CTPS2: variants seen among roughly 807,000 people sequenced by gnomAD.
CTPS2 encodes CTP synthase 2, also known as CTP synthase II.
In CTPS2, 19 loss-of-function variants were observed where a neutral mutation model predicts 46.8. The observed-to-expected ratio is 0.41, with a 90% CI of 0.28 to 0.60. The LOEUF (loss-of-function observed/expected upper bound fraction) is 0.60. CTPS2 is among the 20% of genes least tolerant of loss of function. The pLI, the probability that CTPS2 is intolerant of heterozygous loss-of-function variation, is 0.35. For synonymous variants in CTPS2, 151 were observed against 165.2 expected, an observed-to-expected ratio of 0.91 and a Z score of 0.66; for missense variants, 286 against 447.6, an observed-to-expected ratio of 0.64 and a Z score of 3.26.
At chrX:16,636,086 C>CA (rs1321949623) in intron 14 of CTPS2, among the ~76,000 whole-genome samples, 3 of 111,702 alleles carry the variant, frequency 2.7e-5, no homozygotes, top group Non-Finnish European at 5.7e-5. Context: ...GTGGATGTAG[C>CA]AAAAAAACAT....
At chrX:16,701,929 G>A (rs1022946606) in intron 2 of CTPS2, among the ~76,000 whole-genome samples, 1 of 110,862 alleles carries the variant, frequency 9.0e-6, no homozygotes, top group South Asian at 3.8e-4. Context: ...CTTGATCAGG[G>A]GCTGGTTACA....
intron 14 of CTPS2, among the ~76,000 whole-genome samples, chrX:16,625,976 G>A (rs775541603): frequency 9.0e-6 from 1 of 111,652 alleles, no homozygotes; most frequent in Non-Finnish European, 1.9e-5. Context: ...TCTTATTTAG[G>A]GCCACAGGTT....
At chrX:16,708,605 T>G (rs1925197421) in intron 1 of CTPS2, among the ~76,000 whole-genome samples, 2 of 110,980 alleles carry the variant, frequency 1.8e-5, no homozygotes. Flanking sequence ...CTTGACATAT[T>G]TCCAAGTCCT....
intron 13 of CTPS2, among the ~76,000 whole-genome samples, chrX:16,648,083 A>G (rs893369833): frequency 3.6e-5 from 4 of 111,905 alleles, no homozygotes; most frequent in African/African-American, 1.3e-4. Context: ...AACCTGAGTG[A>G]CACAGTGAAG....
At position 16,691,602 on chromosome X, in the gene CTPS2, T is replaced by A; in HGVS notation, c.658A>T (p.Thr220Ser). 8.3e-7 allele frequency: 1 copy of A among 1,210,154 alleles called. No homozygotes were observed. The highest frequency in any genetic ancestry group is 1.1e-6 in the Non-Finnish European group (1 of 894,012). The change falls in exon 7 of 19, where the codon ACG becomes TCG. Residue 220 changes from threonine to serine, a missense_variant. Transcript: ENST00000359276. ...SPDLIVCRSS[T>S]PIEMAVKEKI... Reference sequence around the variant, plus strand: ...TCCTTCACGGCCATCTCAATGGGCGTTGAACTTCGGCAGACAATCTGTCAA... The same window carrying A: ...TCCTTCACGGCCATCTCAATGGGCGATGAACTTCGGCAGACAATCTGTCAA...
At chrX:16,674,720 C>G (rs1053264692) in intron 10 of CTPS2, among the ~76,000 whole-genome samples, 1 of 107,027 alleles carries the variant, frequency 9.3e-6, no homozygotes, top group Admixed American at 1.0e-4. Context: ...CGCCTGTAGT[C>G]CCAGCTACTC....
intron 13 of CTPS2, among the ~76,000 whole-genome samples, chrX:16,641,969 T>C (rs989207160): frequency 8.9e-6 from 1 of 111,803 alleles, no homozygotes; most frequent in African/African-American, 3.3e-5. Context: ...TATGAGATTA[T>C]TTAGCAACAT....
intron 1 of CTPS2, among the ~76,000 whole-genome samples, chrX:16,706,110 A>G (rs1262491940): frequency 2.6e-4 from 28 of 107,988 alleles, no homozygotes; most frequent in Non-Finnish European, 7.7e-5. Context: ...CAAAAAAAAA[A>G]AAAGAAAGAA....
chrX:16,600,871 C>T (rs1284371197), intron 17 of CTPS2, among the ~76,000 whole-genome samples: 1 of 111,792 alleles, frequency 8.9e-6, no homozygotes, highest in African/African-American at 3.3e-5. Context: ...TGTAACAAAG[C>T]GGGGAAAGTG....
intron 14 of CTPS2, among the ~76,000 whole-genome samples, chrX:16,621,315 T>TGGGGGGGGGG: frequency 2.1e-5 from 1 of 47,508 alleles, no homozygotes; most frequent in Non-Finnish European, 3.8e-5. Flanking sequence ...GGGTAGGGGG[T>TGGGGGGGGGG]TGGGGGAGGG....
intron 14 of CTPS2, among the ~76,000 whole-genome samples, chrX:16,623,506 TG>T (rs1930948261): frequency 9.0e-6 from 1 of 111,676 alleles, no homozygotes; most frequent in Non-Finnish European, 1.9e-5. Context: ...AGTGAGAACA[TG>T]CGATGTTTGT....
chrX:16,661,256 G>C (rs777269299), intron 13 of CTPS2, among the ~76,000 whole-genome samples: 1 of 112,186 alleles, frequency 8.9e-6, no homozygotes, highest in Non-Finnish European at 1.9e-5. Context: ...CACCACACCC[G>C]GCCTATAGCT....
chrX:16,625,808 G>A (rs902788303), intron 14 of CTPS2, among the ~76,000 whole-genome samples: 4 of 110,279 alleles, frequency 3.6e-5, no homozygotes, highest in African/African-American at 9.9e-5. Flanking sequence ...GTCCCCAGCC[G>A]GACTCCTCTC....
intron 9 of CTPS2, among the ~76,000 whole-genome samples, chrX:16,679,251 G>C (rs915360998): frequency 9.0e-6 from 1 of 111,050 alleles, no homozygotes; most frequent in Non-Finnish European, 1.9e-5. Context: ...TCAGCTACTC[G>C]GGAGGCTGAG....
At chrX:16,645,075 C>T (rs1276317245) in intron 13 of CTPS2, among the ~76,000 whole-genome samples, 6 of 111,519 alleles carry the variant, frequency 5.4e-5, no homozygotes, top group East Asian at 2.8e-4. Context: ...CTCCGCCTCC[C>T]GGGTTCACGC....
chrX:16,650,644 A>C (rs62589076), intron 13 of CTPS2, among the ~76,000 whole-genome samples: 24,925 of 105,294 alleles, frequency 0.24, 2,380 homozygotes, highest in Middle Eastern at 0.29. Context: ...TTCCAAGTAG[A>C]TGGGACTATA....
At chrX:16,610,676 T>A (rs111286770) in intron 16 of CTPS2, among the ~76,000 whole-genome samples, 1,461 of 112,376 alleles carry the variant, frequency 0.013, 18 homozygotes, top group African/African-American at 0.044. Context: ...TTCAACTCAG[T>A]AATCCCATTA....
chrX:16,620,672 T>G (rs762634285), intron 14 of CTPS2, among the ~76,000 whole-genome samples: 1 of 112,037 alleles, frequency 8.9e-6, no homozygotes, highest in South Asian at 3.7e-4. Flanking sequence ...ATCGCTTCAG[T>G]GCAGATTTGT....
intron 9 of CTPS2, among the ~76,000 whole-genome samples, chrX:16,680,011 C>T (rs1303471771): frequency 4.5e-5 from 5 of 111,312 alleles, no homozygotes; most frequent in Admixed American, 1.9e-4. Context: ...AATGATCACT[C>T]TGGTAGAGTG....
Sources: allele counts gnomAD v4.1 joint callset (sites outside exome capture counted in the v4.1 genomes callset), GRCh38; gene constraint gnomAD v4.1.1; transcripts MANE v1.5; gene names NCBI Gene and HGNC (gene_info 2026-07-23, HGNC 2026-07-21).